The following PARN variants were observed in gnomAD, a reference collection of about 807,000 sequenced individuals.
PARN encodes poly(A)-specific ribonuclease PARN.
PARN carries 71 observed loss-of-function variants against 102.8 expected under a neutral mutation model. That is an observed-to-expected ratio of 0.69 (90% CI 0.57 to 0.84). The LOEUF is 0.84. Among genes scored for constraint, PARN ranks in the 40% least tolerant of loss-of-function variants. The probability of loss-of-function intolerance (pLI) is 0.00; values close to 1 mark genes in which losing one functional copy is unlikely to be tolerated. For synonymous variants in PARN, 261 were observed against 252.9 expected (o/e 1.03, Z -0.30); for missense variants, 782 against 760.9 (o/e 1.03, Z -0.33).
chr16:14,474,238 C>T (rs1962915774), intron 22 of PARN, among the ~76,000 whole-genome samples: 1 of 152,176 alleles, frequency 6.6e-6, no homozygotes, highest in Non-Finnish European at 1.5e-5. Flanking sequence ...CTTCTGAACT[C>T]AAGCAATCCT....
At chr16:14,507,706 G>A (rs979635488) in intron 21 of PARN, among the ~76,000 whole-genome samples, 1 of 152,000 alleles carries the variant, frequency 6.6e-6, no homozygotes, top group Admixed American at 6.6e-5. Flanking sequence ...TGAAATTCTA[G>A]AGACTTTTAA....
intron 6 of PARN, among the ~76,000 whole-genome samples, chr16:14,612,040 G>C (rs1432398327): frequency 6.6e-6 from 1 of 152,142 alleles, no homozygotes; most frequent in African/African-American, 2.4e-5. Flanking sequence ...TGTAACCCTG[G>C]TGTAGAGATG....
At chr16:14,454,990 C>T (rs1288904191) in intron 22 of PARN, among the ~76,000 whole-genome samples, 1 of 152,162 alleles carries the variant, frequency 6.6e-6, no homozygotes, top group African/African-American at 2.4e-5. Context: ...AAAATAACCT[C>T]TACCTGATAT....
intron 12 of PARN, among the ~76,000 whole-genome samples, chr16:14,596,995 T>A (rs936906330): frequency 1.3e-5 from 2 of 152,060 alleles, no homozygotes; most frequent in Non-Finnish European, 2.9e-5. Flanking sequence ...CCATGTTGGT[T>A]AGGCTGGTGT....
chr16:14,524,081 C>T (rs763937467), intron 21 of PARN, among the ~76,000 whole-genome samples: 14 of 152,108 alleles, frequency 9.2e-5, no homozygotes, highest in African/African-American at 3.1e-4. Flanking sequence ...CTGTAGTATA[C>T]GCAGTCCATA....
At chr16:14,558,668 T>C (rs1967860302) in intron 18 of PARN, among the ~76,000 whole-genome samples, 1 of 152,172 alleles carries the variant, frequency 6.6e-6, no homozygotes, top group Non-Finnish European at 1.5e-5. Context: ...AAAATTTCAA[T>C]ATAATATTAA....
At chr16:14,444,544 T>C (rs1187758338) in intron 23 of PARN, among the ~76,000 whole-genome samples, 1 of 152,190 alleles carries the variant, frequency 6.6e-6, no homozygotes, top group Non-Finnish European at 1.5e-5. Flanking sequence ...TTAATTTTAA[T>C]ATTTTTCAGA....
intron 10 of PARN, among the ~76,000 whole-genome samples, chr16:14,605,549 G>A (rs1971128219): frequency 6.6e-6 from 1 of 152,116 alleles, no homozygotes; most frequent in South Asian, 2.1e-4. Flanking sequence ...ATTACCATAA[G>A]AAAAAACTCT....
At chr16:14,584,982 G>C (rs1290289321) in intron 14 of PARN, among the ~76,000 whole-genome samples, 191 bp from the exon 15 acceptor site, 3 of 152,290 alleles carry the variant, frequency 2.0e-5, no homozygotes, top group South Asian at 2.1e-4. Context: ...CCCAGCACCA[G>C]CATCCCTGCT....
At chr16:14,587,365 G>C (rs568919573) in intron 13 of PARN, among the ~76,000 whole-genome samples, 12 of 152,322 alleles carry the variant, frequency 7.9e-5, no homozygotes, top group South Asian at 6.2e-4. Flanking sequence ...CACAGTTCTA[G>C]ACCAATGTCT....
chr16:14,438,310 G>A (rs1429593634), intron 23 of PARN, among the ~76,000 whole-genome samples: 2 of 152,124 alleles, frequency 1.3e-5, no homozygotes, highest in African/African-American at 4.8e-5. Flanking sequence ...AAAGGTAAAA[G>A]CTACAATGCC....
At chr16:14,459,303 A>G (rs1456795203) in intron 22 of PARN, among the ~76,000 whole-genome samples, 2 of 152,242 alleles carry the variant, frequency 1.3e-5, no homozygotes, top group African/African-American at 4.8e-5. Flanking sequence ...ATTAGAACTG[A>G]TAAGTGAGTA....
chr16:14,450,620 G>A (rs189159759), intron 22 of PARN, among the ~76,000 whole-genome samples: 12 of 152,196 alleles, frequency 7.9e-5, no homozygotes, highest in African/African-American at 2.4e-4. Flanking sequence ...CAGAAAGGAC[G>A]TAGAAGCAGA....
intron 21 of PARN, among the ~76,000 whole-genome samples, chr16:14,517,949 G>A (rs922165297): frequency 6.6e-6 from 1 of 152,058 alleles, no homozygotes; most frequent in African/African-American, 2.4e-5. Context: ...TTACAGGCAT[G>A]AGCCACCATG....
intron 18 of PARN, among the ~76,000 whole-genome samples, chr16:14,564,695 G>A (rs1968322696): frequency 6.6e-6 from 1 of 152,080 alleles, no homozygotes; most frequent in South Asian, 2.1e-4. Context: ...GAAGAACAGA[G>A]TTTATTCTGG....
intron 21 of PARN, among the ~76,000 whole-genome samples, chr16:14,507,198 T>C (rs901795564): frequency 6.6e-6 from 1 of 151,842 alleles, no homozygotes; most frequent in Admixed American, 6.5e-5. Context: ...TGGTGGTGCA[T>C]GCCTGTAATC....
intron 18 of PARN, among the ~76,000 whole-genome samples, chr16:14,575,362 C>A (rs1400313272): frequency 1.3e-5 from 2 of 152,208 alleles, no homozygotes; most frequent in East Asian, 3.8e-4. Context: ...CCCTGCAAAG[C>A]CACAGGAGCA....
chr16:14,610,012 C>T (rs1356678677), intron 7 of PARN, among the ~76,000 whole-genome samples: 1 of 151,734 alleles, frequency 6.6e-6, no homozygotes, highest in Non-Finnish European at 1.5e-5. Context: ...AGGAGTTTGA[C>T]ACCAGCCTGG....
At chr16:14,465,395 T>C (rs1962272286) in intron 22 of PARN, among the ~76,000 whole-genome samples, 1 of 152,224 alleles carries the variant, frequency 6.6e-6, no homozygotes, top group African/African-American at 2.4e-5. Context: ...AGATTTCTTA[T>C]TACTTAATTC....
Sources: allele counts gnomAD v4.1 joint callset (sites outside exome capture counted in the v4.1 genomes callset), GRCh38; gene constraint gnomAD v4.1.1; transcripts MANE v1.5; gene names NCBI Gene and HGNC (gene_info 2026-07-23, HGNC 2026-07-21).